Variants in TTC22 observed in about 807,000 individuals in gnomAD.
TTC22 encodes tetratricopeptide repeat protein 22.
TTC22 carries 42 observed loss-of-function variants against 48.2 expected under a neutral mutation model. That is an observed-to-expected ratio of 0.87 (90% CI 0.68 to 1.13). The LOEUF (loss-of-function observed/expected upper bound fraction) is 1.13, where lower values mean the gene tolerates loss of function less well. Ranked by LOEUF, TTC22 falls within the 50% of genes most tolerant of loss-of-function variation. TTC22 has a pLI of 0.00. For synonymous variants in TTC22, 345 were observed against 365.5 expected, an observed-to-expected ratio of 0.94 and a Z score of 0.64; for missense variants, 784 against 807.0, an observed-to-expected ratio of 0.97 and a Z score of 0.34.
At chr1:54,795,350 C>T (rs1354097680) in intron 1 of TTC22, among the ~76,000 whole-genome samples, 1 of 152,252 alleles carries the variant, frequency 6.6e-6, no homozygotes, top group Non-Finnish European at 1.5e-5. Context: ...CTTGGGCTCC[C>T]TGGACAGTTC....
intron 3 of TTC22, chr1:54,787,473 C>T (rs935763819): frequency 6.8e-5 from 40 of 588,310 alleles, no homozygotes; most frequent in African/African-American, 6.5e-4. Context: ...CTACCTCTCA[C>T]CCTCCAGGTC....
chr1:54,787,508 C>A (rs762953490), intron 3 of TTC22: 7 of 601,868 alleles, frequency 1.2e-5, no homozygotes, highest in Admixed American at 5.6e-5. Flanking sequence ...GGCAAGCCTG[C>A]AGTCACAGTG....
intron 1 of TTC22, among the ~76,000 whole-genome samples, chr1:54,790,424 G>A (rs140934269): frequency 2.6e-5 from 4 of 152,330 alleles, no homozygotes; most frequent in East Asian, 1.9e-4. Context: ...AAGATCCGAC[G>A]GATGTGTGCC....
chr1:54,790,167 C>T (rs1374388440), intron 1 of TTC22, among the ~76,000 whole-genome samples: 1 of 152,166 alleles, frequency 6.6e-6, no homozygotes, highest in African/African-American at 2.4e-5. Context: ...TGAAGCCCAG[C>T]AGCAGTCCAA....
At position 54,800,741 on chromosome 1, in the gene TTC22, G is replaced by C. The variant is rs767560630; in HGVS notation, c.423C>G (p.Asp141Glu). 28 of 1,545,336 alleles carry C rather than the reference G, an allele frequency of 1.8e-5. No individual in the cohort carries two copies. The highest frequency in any genetic ancestry group is 4.3e-6 in the Non-Finnish European group (5 of 1,149,820). Residue 141 changes from aspartate to glutamate, a missense_variant, in exon 1 of 7, where the codon GAC becomes GAG. Coordinates refer to ENST00000371276, the MANE Select transcript of TTC22 (RefSeq NM_001114108.2). ...GLAEEPEAAG[D>E]PQLRAARCLA... ...GGCAGCGAGCGGCGCGGAGCTGGGG[G>C]TCCCCGGCGGCCTCGGGCTCCTCTG...
chr1:54,797,699 C>G (rs555087203), intron 1 of TTC22, among the ~76,000 whole-genome samples: 8 of 152,310 alleles, frequency 5.3e-5, no homozygotes, highest in Admixed American at 5.2e-4. Flanking sequence ...GGACACACCC[C>G]CTCCCATACA....
In TTC22 at chr1:54,800,703, C is replaced by A; in HGVS notation, c.461G>T (p.Gly154Val). Reference protein sequence around the residue: ...LRAARCLAEQGYAHGFDVGCA... With the variant: ...LRAARCLAEQVYAHGFDVGCA... ...GCCGACGTCGAAGCCATGCGCGTAGCCCTGCTCGGCCAGGCAGCGAGCGGC... is the reference window on the plus strand; with the variant it reads ...GCCGACGTCGAAGCCATGCGCGTAGACCTGCTCGGCCAGGCAGCGAGCGGC... Residue 154 changes from glycine to valine, a missense_variant, in exon 1 of 7, where the codon GGC (glycine) becomes GTC (valine). Coordinates refer to ENST00000371276, the MANE Select transcript of TTC22 (RefSeq NM_001114108.2). 4 of 1,546,810 alleles carry A rather than the reference C, an allele frequency of 2.6e-6. No homozygotes were observed. The highest frequency in any genetic ancestry group is 3.9e-5 in the Admixed American group (2 of 51,930).
intron 5 of TTC22, among the ~76,000 whole-genome samples, chr1:54,783,421 T>G (rs115792769): frequency 5.6e-4 from 86 of 152,344 alleles, no homozygotes; most frequent in African/African-American, 2.0e-3. Context: ...GGAATTACCA[T>G]GATGTCTGAA....
At chr1:54,796,777 A>G (rs538541892) in intron 1 of TTC22, among the ~76,000 whole-genome samples, 213 of 152,348 alleles carry the variant, frequency 1.4e-3, no homozygotes, top group Non-Finnish European at 2.5e-3. Flanking sequence ...TTTTAAAGAC[A>G]GAATCCAGTT....
intron 2 of TTC22, 47 bp downstream of exon 2, chr1:54,787,995 C>T: frequency 1.3e-6 from 2 of 1,594,462 alleles, no homozygotes; most frequent in Non-Finnish European, 1.7e-6. Context: ...TGCCAGGCCA[C>T]ACCTCTCCCT....
rs1321624086 is a variant in TTC22, at chr1:54,781,264, G to A, written c.1689C>T (p.Asp563=). ...REGEGASAPR[D]RRAVSF ...AGCCCTAGAATGAGACAGCCCGGCG[G>A]TCCCGCGGCGCGCTGGCGCCCTCGC... The change falls in exon 7 of 7, where the codon GAC becomes GAT. Residue 563 remains aspartate (D), a synonymous_variant. Transcript: ENST00000371276. 2.7e-6 allele frequency: 4 copies of A among 1,475,732 alleles called. No homozygotes were observed. Among genetic ancestry groups the A allele is most frequent in the East Asian group, 3.0e-5 (1 of 33,870 alleles). The allele number at this position is 1,475,732 out of a possible 1,614,324, so 91.4% of individuals were successfully genotyped here.
chr1:54,792,693 A>G (rs1302869891), intron 1 of TTC22, among the ~76,000 whole-genome samples: 1 of 152,110 alleles, frequency 6.6e-6, no homozygotes, highest in African/African-American at 2.4e-5. Flanking sequence ...TCGGCCTCCC[A>G]AAGTGCTGGG....
intron 1 of TTC22, among the ~76,000 whole-genome samples, chr1:54,792,498 G>A (rs985561750): frequency 6.6e-6 from 1 of 151,886 alleles, no homozygotes; most frequent in Non-Finnish European, 1.5e-5. Context: ...GCAATGGCGC[G>A]ATCTTGGCTC....
At chr1:54,785,690 G>A (rs1646294940) in intron 5 of TTC22, 1 of 416,992 alleles carries the variant, frequency 2.4e-6, no homozygotes, top group African/African-American at 2.0e-5. Flanking sequence ...GTGTGCACCT[G>A]TAGTCCCAGC....
At chr1:54,797,920 C>T (rs1646404921) in intron 1 of TTC22, among the ~76,000 whole-genome samples, 1 of 152,152 alleles carries the variant, frequency 6.6e-6, no homozygotes, top group Non-Finnish European at 1.5e-5. Context: ...TCTCTCGCTG[C>T]AGGGGGTCCC....
At chr1:54,798,191 C>T (rs994043082) in intron 1 of TTC22, among the ~76,000 whole-genome samples, 21 of 152,258 alleles carry the variant, frequency 1.4e-4, no homozygotes, top group African/African-American at 4.6e-4. Flanking sequence ...TTTACTAGCT[C>T]TGTGACCCTG....
intron 4 of TTC22, chr1:54,786,577 G>A (rs1646303162): frequency 4.1e-6 from 1 of 246,036 alleles, no homozygotes; most frequent in African/African-American, 2.2e-5. Context: ...TGTTGTAAGT[G>A]ACTTGCCTTA....
At chr1:54,800,358 T>G (rs183004598) in intron 1 of TTC22, among the ~76,000 whole-genome samples, 150 of 152,292 alleles carry the variant, frequency 9.8e-4, no homozygotes, top group African/African-American at 3.4e-3. Context: ...GTTGGGCTTG[T>G]GCTGTTTCCA....
Position 54,786,162 on chromosome 1 carries a change from G to C in TTC22, c.859-18C>G. 2 of 1,611,888 alleles carry C rather than the reference G, an allele frequency of 1.2e-6. No individual in the cohort carries two copies. The highest frequency in any genetic ancestry group is 1.7e-6 in the Non-Finnish European group (2 of 1,178,798). On this transcript the variant is annotated intron_variant, in intron 4 of 6. Coordinates refer to ENST00000371276, the MANE Select transcript of TTC22 (RefSeq NM_001114108.2). Reference sequence around the variant, plus strand: ...TCAATGGCCTAGGTAAGGGAGGAGTGCAAAAACAAACCACTTGCTTGGTCA... The same window carrying C: ...TCAATGGCCTAGGTAAGGGAGGAGTCCAAAAACAAACCACTTGCTTGGTCA...
Sources: allele counts gnomAD v4.1 joint callset (sites outside exome capture counted in the v4.1 genomes callset), GRCh38; gene constraint gnomAD v4.1.1; transcripts MANE v1.5; gene names NCBI Gene and HGNC (gene_info 2026-07-23, HGNC 2026-07-21).